CSMD1: variants seen among roughly 807,000 people sequenced by gnomAD.
CSMD1 encodes CUB and sushi domain-containing protein 1.
Under a neutral mutation model 417.5 loss-of-function variants are expected in CSMD1, and 213 were observed. The observed-to-expected ratio is 0.51, with a 90% CI of 0.46 to 0.57. CSMD1 has a LOEUF of 0.57. Ranked by LOEUF, CSMD1 falls within the 20% of genes least tolerant of loss-of-function variation. CSMD1 has a pLI of 0.00. For synonymous variants in CSMD1, 2,862 were observed against 1,736.8 expected, an observed-to-expected ratio of 1.65 and a Z score of -16.11; for missense variants, 6,923 against 4,529.7, an observed-to-expected ratio of 1.53 and a Z score of -15.17.
intron 5 of CSMD1, among the ~76,000 whole-genome samples, chr8:3,885,971 A>C (rs1037340733): frequency 2.0e-5 from 3 of 152,140 alleles, no homozygotes; most frequent in African/African-American, 4.8e-5. Context: ...ACAACAAAGC[A>C]ATATTGATTC....
intron 1 of CSMD1, among the ~76,000 whole-genome samples, chr8:4,960,179 T>C (rs1424252486): frequency 1.3e-5 from 2 of 152,186 alleles, no homozygotes; most frequent in Non-Finnish European, 2.9e-5. Flanking sequence ...TCAATATTTC[T>C]AAAGATCACT....
rs770841823 is a variant in CSMD1 at position 4,429,154 on chromosome 8, TATATATA to T, written c.303-9096_303-9090del. ...GAAAACTGATATATAATTGGATTAT[TATATATA>T]ATATATATTTATATAATTGGATAGA... On this transcript the variant is annotated intron_variant, in intron 2 of 69. Transcript: ENST00000635120. Among the ~76,000 whole-genome samples the T allele has an allele frequency of 1.2e-3, 183 of 150,588 alleles. 1 individual carries two copies. Among genetic ancestry groups the T allele is most frequent in the Non-Finnish European group, 1.5e-3 (101 of 67,720 alleles).
intron 2 of CSMD1, among the ~76,000 whole-genome samples, chr8:4,567,769 G>A (rs888489850): frequency 1.3e-5 from 2 of 151,900 alleles, no homozygotes; most frequent in Non-Finnish European, 2.9e-5. Context: ...AACTATTGCT[G>A]GTCATAAAAT....
chr8:3,535,020 T>G (rs1267137285), intron 10 of CSMD1, among the ~76,000 whole-genome samples: 1 of 152,172 alleles, frequency 6.6e-6, no homozygotes, highest in Admixed American at 6.5e-5. Context: ...CAATCAGAAC[T>G]CACCGTAGCA....
chr8:3,123,219 C>A (rs1198154013), intron 41 of CSMD1, among the ~76,000 whole-genome samples: 2 of 152,170 alleles, frequency 1.3e-5, no homozygotes, highest in Non-Finnish European at 2.9e-5. Context: ...TCTGCATTCC[C>A]CCATCGTGTG....
chr8:4,761,957 A>ATCTATCTG (rs1812137262), intron 1 of CSMD1, among the ~76,000 whole-genome samples: 1 of 149,778 alleles, frequency 6.7e-6, no homozygotes, highest in Non-Finnish European at 1.5e-5. Context: ...CTATCTATCT[A>ATCTATCTG]TCTATCTAGA....
intron 8 of CSMD1, among the ~76,000 whole-genome samples, chr8:3,614,793 C>G (rs1219464051): frequency 6.6e-6 from 1 of 152,116 alleles, no homozygotes; most frequent in Non-Finnish European, 1.5e-5. Context: ...ACTGAGGATG[C>G]AAAGATAAGA....
intron 26 of CSMD1, among the ~76,000 whole-genome samples, chr8:3,254,075 G>T (rs111273823): frequency 0.064 from 9,740 of 152,204 alleles, 337 homozygotes; most frequent in African/African-American, 0.099. Context: ...GCCTGGTGGT[G>T]ACAGAATCTC....
chr8:4,456,559 C>A (rs1202809345), intron 2 of CSMD1, among the ~76,000 whole-genome samples: 3 of 152,116 alleles, frequency 2.0e-5, no homozygotes, highest in African/African-American at 4.8e-5. Flanking sequence ...TTGGGTAGAA[C>A]TGAAAACAGC....
chr8:3,518,733 G>A (rs1426640801), intron 10 of CSMD1, among the ~76,000 whole-genome samples: 3 of 152,094 alleles, frequency 2.0e-5, no homozygotes, highest in Admixed American at 1.3e-4. Flanking sequence ...AAGTCCTTGA[G>A]GAATGTGGAG....
At chr8:4,518,681 G>A (rs960044230) in intron 2 of CSMD1, among the ~76,000 whole-genome samples, 13 of 151,184 alleles carry the variant, frequency 8.6e-5, no homozygotes, top group Admixed American at 4.6e-4. Flanking sequence ...ACGAGTTAAC[G>A]GTGCAGCACA....
At chr8:4,054,524 C>T (rs1461819424) in intron 3 of CSMD1, among the ~76,000 whole-genome samples, 3 of 152,046 alleles carry the variant, frequency 2.0e-5, no homozygotes, top group African/African-American at 7.2e-5. Context: ...CCTACCTCAT[C>T]CAATTATCAA....
chr8:4,990,387 G>C (rs1425461101), intron 1 of CSMD1, among the ~76,000 whole-genome samples: 1 of 150,478 alleles, frequency 6.6e-6, no homozygotes, highest in Non-Finnish European at 1.5e-5. Flanking sequence ...TTTTGAGATG[G>C]AGCTTAGCTT....
At chr8:3,482,901 C>A (rs773173397) in intron 11 of CSMD1, among the ~76,000 whole-genome samples, 1 of 151,930 alleles carries the variant, frequency 6.6e-6, no homozygotes, top group Non-Finnish European at 1.5e-5. Context: ...GGGAAAGTCT[C>A]AAGTGAAATA....
chr8:4,510,760 C>A (rs1006591860), intron 2 of CSMD1, among the ~76,000 whole-genome samples: 5 of 145,116 alleles, frequency 3.4e-5, no homozygotes, highest in African/African-American at 1.3e-4. Flanking sequence ...TCCCTCCTTC[C>A]CTCCTCTCTT....
At chr8:3,546,949 C>G (rs887832489) in intron 10 of CSMD1, among the ~76,000 whole-genome samples, 14 of 152,202 alleles carry the variant, frequency 9.2e-5, no homozygotes, top group Non-Finnish European at 1.6e-4. Flanking sequence ...AGGTCTTGAG[C>G]TGTTTTGAAA....
chr8:4,271,999 G>T (rs561418279), intron 3 of CSMD1, among the ~76,000 whole-genome samples: 7 of 152,156 alleles, frequency 4.6e-5, no homozygotes, highest in African/African-American at 1.7e-4. Flanking sequence ...TCACATCCCC[G>T]TGAATACTCT....
At chr8:3,061,836 C>G in intron 49 of CSMD1, among the ~76,000 whole-genome samples, 1 of 152,124 alleles carries the variant, frequency 6.6e-6, no homozygotes, top group Non-Finnish European at 1.5e-5. Flanking sequence ...AAGATAGACT[C>G]TATTTTTTTT....
At chr8:4,679,802 G>C (rs914348799) in intron 1 of CSMD1, among the ~76,000 whole-genome samples, 3 of 151,852 alleles carry the variant, frequency 2.0e-5, no homozygotes, top group Non-Finnish European at 4.4e-5. Flanking sequence ...ATTATAAAAT[G>C]CATAATTATT....
Sources: gnomAD v4.1 joint callset for allele counts (sites outside exome capture counted in the v4.1 genomes callset) on GRCh38, gnomAD v4.1.1 for gene constraint, MANE v1.5 for transcripts, NCBI Gene and HGNC (gene_info 2026-07-23, HGNC 2026-07-21) for gene names.